The following CEP89 variants were observed in gnomAD, a reference collection of about 807,000 sequenced individuals.
CEP89 encodes centrosomal protein of 89 kDa.
Under a neutral mutation model 97.6 loss-of-function variants are expected in CEP89, and 95 were observed. The observed-to-expected ratio is 0.97, with a 90% confidence interval of 0.82 to 1.15. CEP89 has a LOEUF of 1.15. Among genes scored for constraint, CEP89 ranks in the 50% most tolerant of loss-of-function variants. The pLI is 0.00. For synonymous variants in CEP89, 354 were observed against 349.1 expected (o/e 1.01, Z -0.16); for missense variants, 869 against 947.7 (o/e 0.92, Z 1.09).
intron 6 of CEP89, 58 bp from the exon 7 acceptor site, chr19:32,937,731 GAC>G: frequency 8.2e-7 from 1 of 1,221,664 alleles, no homozygotes; most frequent in Non-Finnish European, 1.2e-6. Flanking sequence ...TTATAAAGTG[GAC>G]ACACGCAGCT....
chr19:32,937,449 G>A (rs1970601933), intron 7 of CEP89, 182 bp downstream of exon 7: 2 of 570,568 alleles, frequency 3.5e-6, no homozygotes, highest in East Asian at 3.3e-5. Context: ...CAGGACCCAA[G>A]CACATCCTGT....
chr19:32,971,193 T>C, intron 1 of CEP89: 1 of 264,042 alleles, frequency 3.8e-6, no homozygotes, highest in Non-Finnish European at 7.1e-6. Flanking sequence ...AGCTGGCAGA[T>C]GTATGTAGTG....
At chr19:32,884,808 C>T (rs1969359564) in intron 17 of CEP89, among the ~76,000 whole-genome samples, 1 of 152,148 alleles carries the variant, frequency 6.6e-6, no homozygotes, top group South Asian at 2.1e-4. Flanking sequence ...AGCGATCCTA[C>T]TACTTCAGCC....
At chr19:32,931,200 T>G in intron 9 of CEP89, 1 of 459,070 alleles carries the variant, frequency 2.2e-6, no homozygotes, top group Non-Finnish European at 3.8e-6. Flanking sequence ...TCTTTTACTT[T>G]GTACACTTCT....
chr19:32,937,716 G>A, intron 6 of CEP89, 43 bp from the exon 7 acceptor site: 1 of 1,480,898 alleles, frequency 6.8e-7, no homozygotes, highest in South Asian at 1.2e-5. Flanking sequence ...CAGAGCATTA[G>A]TGTTTTATAA....
chr19:32,912,107 G>T (rs957495604), intron 14 of CEP89, among the ~76,000 whole-genome samples: 1 of 151,180 alleles, frequency 6.6e-6, no homozygotes, highest in African/African-American at 2.4e-5. Flanking sequence ...TGGGGCTGAG[G>T]CATGAGAATT....
rs201500947 is a variant in CEP89 at position 32,939,870 on chromosome 19, A to T, written c.611T>A (p.Val204Asp). ...AAATGATCTTACCTTTAAATTCAGA[A>T]CAGGGTGTTTACCATCTGATGAAGA... ...RTQQKDGKHP[V>D]LNLKDEKPPL... Residue 204 changes from valine (V) to aspartate (D), a missense_variant, in exon 6 of 19, where the codon GTT (valine) becomes GAT (aspartate). Val to Asp is a radical substitution (Grantham distance 152). Transcript: ENST00000305768. 6.3e-5 allele frequency: 80 copies of T among 1,272,104 alleles called. 1 individual carries two copies. In the South Asian group the frequency reaches 9.8e-4, roughly 16 times the overall value. 78.8% of individuals were successfully genotyped at this position (1,272,104 alleles called of 1,614,324 possible).
chr19:32,947,751 T>TACCC (rs1970826191), intron 5 of CEP89, among the ~76,000 whole-genome samples: 1 of 152,168 alleles, frequency 6.6e-6, no homozygotes, highest in African/African-American at 2.4e-5. Flanking sequence ...TCAAGAGATC[T>TACCC]ACCCACCTTG....
intron 2 of CEP89, among the ~76,000 whole-genome samples, chr19:32,964,863 T>C (rs1355673145): frequency 6.6e-6 from 1 of 152,146 alleles, no homozygotes; most frequent in East Asian, 1.9e-4. Context: ...CTTTTTTTCT[T>C]TTTCAGGAGC....
chr19:32,948,384 G>C lies in CEP89; in HGVS notation c.493-16C>G. ...ACAATGGCACCTTTTTGTTATAAAA[G>C]ACAAAGGAGCAAAAAAGTGAGAAAG... On this transcript the variant is annotated splice_polypyrimidine_tract_variant and intron_variant, in intron 4 of 18. Transcript: ENST00000305768. 1 of 1,528,816 alleles carries C rather than the reference G, an allele frequency of 6.5e-7. No homozygotes were observed. The allele number at this position is 1,528,816 out of a possible 1,614,324, so 94.7% of individuals were successfully genotyped here.
Position 32,937,621 on chromosome 19 carries a change from AG to A in CEP89, c.667+9del. 6.3e-7 allele frequency: 1 copy of A among 1,585,808 alleles called. No individual in the cohort carries two copies. Among genetic ancestry groups the A allele is most frequent in the South Asian group, 1.1e-5 (1 of 89,656 alleles). On this transcript the variant is annotated intron_variant, in intron 7 of 18. Transcript: ENST00000305768. ...CTTTTCAATCATAATATAATTCAAAAGGCAAATACCTGGGGAGGGTGGAGGT... is the reference window on the plus strand; with the variant it reads ...CTTTTCAATCATAATATAATTCAAAAGCAAATACCTGGGGAGGGTGGAGGT...
At position 32,877,046 on chromosome 19, in the gene CEP89, C is replaced by T. The variant is rs902221607; in HGVS notation, c.*2116G>A. 1 of 152,234 alleles carries T rather than the reference C, an allele frequency of 6.6e-6. No individual in the cohort carries two copies. Among genetic ancestry groups the T allele is most frequent in the African/African-American group, 2.4e-5 (1 of 41,472 alleles). The allele number at this position is 152,234 out of a possible 1,614,324, so 9.4% of individuals were successfully genotyped here. ...GGGCTGCCGCCGCCTGTCAGCCTGT[C>T]TACAGGAGGCTGCAGAGCGGCCGTA... On this transcript the variant is annotated 3_prime_UTR_variant, in exon 19 of 19. Transcript: ENST00000305768.
intron 14 of CEP89, among the ~76,000 whole-genome samples, chr19:32,902,002 C>G (rs1969784749): frequency 4.8e-5 from 5 of 105,040 alleles, no homozygotes; most frequent in South Asian, 6.1e-4. Context: ...CTCTGTCTCT[C>G]TCTCTCTCTG....
intron 13 of CEP89, among the ~76,000 whole-genome samples, chr19:32,917,991 T>C (rs1970163363): frequency 2.6e-5 from 4 of 152,216 alleles, no homozygotes; most frequent in Admixed American, 2.6e-4. Context: ...CACTATTACC[T>C]ACGAGTGATT....
chr19:32,939,613 G>T (rs1305512015), intron 6 of CEP89, among the ~76,000 whole-genome samples: 1 of 151,220 alleles, frequency 6.6e-6, no homozygotes, highest in African/African-American at 2.4e-5. Flanking sequence ...GGAAGACGGA[G>T]ACCGCAGTGA....
Position 32,937,630 on chromosome 19 carries a change from C to A in CEP89, c.667+1G>T. 6.3e-7 allele frequency: 1 copy of A among 1,598,504 alleles called. No homozygotes were observed. The highest frequency in any genetic ancestry group is 8.6e-7 in the Non-Finnish European group (1 of 1,167,192). The stretch of plus-strand genomic sequence containing the variant: ...CATAATATAATTCAAAAGGCAAATA[C>A]CTGGGGAGGGTGGAGGTTTCTCACA... On this transcript the variant is annotated splice_donor_variant, in intron 7 of 18. Transcript: ENST00000305768. LOFTEE classifies it high-confidence loss of function.
At chr19:32,912,570 ACTCT>A (rs1443494185) in intron 14 of CEP89, among the ~76,000 whole-genome samples, 3 of 151,384 alleles carry the variant, frequency 2.0e-5, no homozygotes, top group Admixed American at 6.6e-5. Flanking sequence ...AAGAAATCTC[ACTCT>A]CTCTCTTTTT....
chr19:32,898,340 G>T (rs1486035514), intron 16 of CEP89, among the ~76,000 whole-genome samples: 1 of 152,070 alleles, frequency 6.6e-6, no homozygotes, highest in African/African-American at 2.4e-5. Context: ...TGACCTCATG[G>T]AGGTGGAGAT....
chr19:32,959,053 A>C (rs533743566), intron 3 of CEP89, among the ~76,000 whole-genome samples: 46 of 151,868 alleles, frequency 3.0e-4, no homozygotes, highest in African/African-American at 6.5e-4. Flanking sequence ...AAACAAAAAA[A>C]AAAAAAACAG....
Sources: allele counts gnomAD v4.1 joint callset (sites outside exome capture counted in the v4.1 genomes callset), GRCh38; gene constraint gnomAD v4.1.1; transcripts MANE v1.5; gene names NCBI Gene and HGNC (gene_info 2026-07-23, HGNC 2026-07-21).